The following IP6K1 variants were observed in gnomAD, a reference collection of about 807,000 sequenced individuals.
The protein encoded by IP6K1 is inositol hexakisphosphate kinase 1.
In IP6K1, 13 loss-of-function variants were observed where a neutral mutation model predicts 38.3. The ratio of observed to expected loss-of-function variants is 0.34; its 90% CI spans 0.22 to 0.54. The LOEUF (loss-of-function observed/expected upper bound fraction) is 0.54. Ranked by LOEUF, IP6K1 falls within the 20% of genes least tolerant of loss-of-function variation. The probability of loss-of-function intolerance (pLI) is 0.92; values close to 1 mark genes in which losing one functional copy is unlikely to be tolerated. For synonymous variants in IP6K1, 212 were observed against 229.9 expected (o/e 0.92, Z 0.70); for missense variants, 397 against 599.8 (o/e 0.66, Z 3.53).
At chr3:49,733,149 GTGTCTCTTAAAACTATCTTA>G (rs1347044820) in intron 3 of IP6K1, among the ~76,000 whole-genome samples, 177 bp from the exon 4 acceptor site, 17 of 152,182 alleles carry the variant, frequency 1.1e-4, no homozygotes, top group African/African-American at 1.7e-4. Flanking sequence ...TGTTCTTCCT[GTGTCTCTTAAAACTATCTTA>G]TGTCTCTTAA....
intron 1 of IP6K1, among the ~76,000 whole-genome samples, chr3:49,762,163 A>G (rs1288594829): frequency 6.6e-6 from 1 of 152,148 alleles, no homozygotes; most frequent in Non-Finnish European, 1.5e-5. Flanking sequence ...TGTGGCCCAG[A>G]CTGGTCTCAA....
At chr3:49,783,216 C>A (rs2108267370) in intron 1 of IP6K1, among the ~76,000 whole-genome samples, 1 of 151,990 alleles carries the variant, frequency 6.6e-6, no homozygotes, top group South Asian at 2.1e-4. Flanking sequence ...GGAGTTCAAG[C>A]CCAGTCTGGG....
chr3:49,731,332 C>T (rs1200965193), intron 4 of IP6K1, among the ~76,000 whole-genome samples: 1 of 152,120 alleles, frequency 6.6e-6, no homozygotes, highest in Non-Finnish European at 1.5e-5. Context: ...ACAGAGCAAT[C>T]GCATCTTAGC....
At chr3:49,763,426 C>T (rs2080883966) in intron 1 of IP6K1, among the ~76,000 whole-genome samples, 1 of 151,846 alleles carries the variant, frequency 6.6e-6, no homozygotes, top group Non-Finnish European at 1.5e-5. Flanking sequence ...TTTCTAATAA[C>T]AAAACCTAAA....
intron 2 of IP6K1, among the ~76,000 whole-genome samples, chr3:49,745,493 C>CAGGT (rs1322469388): frequency 6.6e-6 from 1 of 152,180 alleles, no homozygotes; most frequent in Non-Finnish European, 1.5e-5. Context: ...GAGGCCAAGG[C>CAGGT]AGGTAGGTCA....
chr3:49,754,744 T>C (rs137945807), intron 1 of IP6K1, among the ~76,000 whole-genome samples: 19 of 152,270 alleles, frequency 1.2e-4, no homozygotes, highest in Admixed American at 1.0e-3. Flanking sequence ...AGGAAGGCAC[T>C]GTCTCTACAG....
rs938333897 is a variant in IP6K1 at position 49,725,271 on chromosome 3, C to G, written c.*1851G>C. 4 of 152,608 alleles carry G rather than the reference C, an allele frequency of 2.6e-5. No individual in the cohort carries two copies. Among genetic ancestry groups the G allele is most frequent in the African/African-American group, 4.8e-5 (2 of 41,458 alleles). 9.5% of individuals were successfully genotyped at this position (152,608 alleles called of 1,614,324 possible). A position where few individuals can be genotyped will look rare whatever the true frequency, so the allele number is the denominator to read the frequency against. On this transcript the variant is annotated 3_prime_UTR_variant, in exon 6 of 6. Transcript: ENST00000321599. ...CAGGACATCCCCAAAAGGTCCCAAA[C>G]AGTTCCAGACCCTATGTCTTACCCT...
At chr3:49,774,914 A>T (rs955104777) in intron 1 of IP6K1, among the ~76,000 whole-genome samples, 13 of 152,144 alleles carry the variant, frequency 8.5e-5, no homozygotes, top group Admixed American at 2.0e-4. Context: ...CAGCCAGTAG[A>T]AGATGATCTA....
rs1010478584 is a variant in IP6K1, at chr3:49,724,360, G to A, written c.*2762C>T. The A allele has an allele frequency of 6.6e-6, 1 of 152,342 alleles. No individual in the cohort carries two copies. Among genetic ancestry groups the A allele is most frequent in the Non-Finnish European group, 1.5e-5 (1 of 68,090 alleles). 9.4% of individuals were successfully genotyped at this position (152,342 alleles called of 1,614,324 possible). A position where few individuals can be genotyped will look rare whatever the true frequency, so the allele number is the denominator to read the frequency against. On this transcript the variant is annotated 3_prime_UTR_variant, in exon 6 of 6. Transcript: ENST00000321599. Reference sequence around the variant, plus strand: ...ACACAAGCGGGGCGGGCAGCGCTAGGTGTACAGAAAGGAGCGGGCTCGGAC... The same window carrying A: ...ACACAAGCGGGGCGGGCAGCGCTAGATGTACAGAAAGGAGCGGGCTCGGAC...
At chr3:49,731,047 TGA>T (rs918459751) in intron 4 of IP6K1, among the ~76,000 whole-genome samples, 3 of 151,376 alleles carry the variant, frequency 2.0e-5, no homozygotes, top group Non-Finnish European at 4.4e-5. Context: ...AACCAGTGAA[TGA>T]GAGAGAGAGA....
intron 4 of IP6K1, among the ~76,000 whole-genome samples, chr3:49,730,748 C>G (rs2080555263): frequency 2.6e-5 from 4 of 151,824 alleles, no homozygotes; most frequent in African/African-American, 9.7e-5. Flanking sequence ...TGGAGTTTCA[C>G]TCTTGTTGCC....
intron 3 of IP6K1, among the ~76,000 whole-genome samples, chr3:49,735,098 T>C (rs2108226203): frequency 6.6e-6 from 1 of 152,336 alleles, no homozygotes; most frequent in Non-Finnish European, 1.5e-5. Context: ...CTCATGCCTA[T>C]AATCCTTACG....
chr3:49,743,559 G>C (rs1559705643), intron 2 of IP6K1, among the ~76,000 whole-genome samples: 1 of 150,980 alleles, frequency 6.6e-6, no homozygotes. Flanking sequence ...CGTGCCTATA[G>C]TCCCAGCTAC....
At chr3:49,739,822 C>G (rs1278164426) in intron 2 of IP6K1, among the ~76,000 whole-genome samples, 1 of 151,946 alleles carries the variant, frequency 6.6e-6, no homozygotes, top group Non-Finnish European at 1.5e-5. Context: ...CCACACCAGC[C>G]TGGCCAACAT....
chr3:49,749,612 G>A (rs961583995), intron 1 of IP6K1, among the ~76,000 whole-genome samples: 1 of 152,090 alleles, frequency 6.6e-6, no homozygotes, highest in African/African-American at 2.4e-5. Flanking sequence ...AAATACCACT[G>A]CTGAGCTGTG....
At chr3:49,776,361 AC>A (rs1158607525) in intron 1 of IP6K1, among the ~76,000 whole-genome samples, 3 of 152,010 alleles carry the variant, frequency 2.0e-5, no homozygotes, top group African/African-American at 7.2e-5. Context: ...TACTAAAAAT[AC>A]AAAAATTAGC....
chr3:49,739,166 G>T (rs2080642783), intron 2 of IP6K1, among the ~76,000 whole-genome samples: 2 of 151,936 alleles, frequency 1.3e-5, no homozygotes, highest in South Asian at 4.1e-4. Context: ...AAGTAACTTG[G>T]TCTCACTTCC....
intron 1 of IP6K1, among the ~76,000 whole-genome samples, chr3:49,761,613 CAAA>C (rs71080551): frequency 5.5e-5 from 5 of 91,700 alleles, no homozygotes; most frequent in Admixed American, 2.5e-4. Context: ...GACTCCGTCT[CAAA>C]AAAAAAAAAA....
At chr3:49,731,758 CA>C (rs2080563389) in intron 4 of IP6K1, among the ~76,000 whole-genome samples, 1 of 151,960 alleles carries the variant, frequency 6.6e-6, no homozygotes, top group Non-Finnish European at 1.5e-5. Flanking sequence ...CGTGGTGGCG[CA>C]CGCCTGTAAT....
Sources: gnomAD v4.1 joint callset for allele counts (sites outside exome capture counted in the v4.1 genomes callset) on GRCh38, gnomAD v4.1.1 for gene constraint, MANE v1.5 for transcripts, NCBI Gene and HGNC (gene_info 2026-07-23, HGNC 2026-07-21) for gene names.